ZNF516: variants seen among roughly 807,000 people sequenced by gnomAD.
ZNF516 encodes the protein zinc finger protein 516.
In ZNF516, 19 loss-of-function variants were observed where a neutral mutation model predicts 79.7. The observed-to-expected ratio is 0.24, with a 90% CI of 0.17 to 0.35. The LOEUF (loss-of-function observed/expected upper bound fraction) is 0.35. Ranked by LOEUF, ZNF516 falls within the 10% of genes least tolerant of loss-of-function variation. ZNF516 has a pLI of 1.00. For synonymous variants in ZNF516, 877 were observed against 739.5 expected, an observed-to-expected ratio of 1.19 and a Z score of -3.02; for missense variants, 1,678 against 1,679.5, an observed-to-expected ratio of 1.00 and a Z score of 0.02.
rs180752175 is a variant in ZNF516 at position 76,477,792 on chromosome 18, T to C, written c.-271-14651A>G. Among the ~76,000 whole-genome samples the C allele has an allele frequency of 1.4e-4, 21 of 152,158 alleles. No homozygotes were observed. In the South Asian group the frequency reaches 1.7e-3, roughly 12 times the overall value. On this transcript the variant is annotated intron_variant, in intron 1 of 6. Transcript: ENST00000443185. ...AAAAAAACCTGCTGAAACGAAGGAA[T>C]GCAAACTCATTACACTGCATTTAAT...
intron 2 of ZNF516, among the ~76,000 whole-genome samples, chr18:76,458,977 T>C (rs1225984740): frequency 6.6e-6 from 1 of 152,218 alleles, no homozygotes; most frequent in Admixed American, 6.5e-5. Flanking sequence ...TGTGTGAGCA[T>C]GTGCTAGTGT....
intron 1 of ZNF516, chr18:76,490,296 C>T (rs1044475203): frequency 4.6e-6 from 3 of 657,136 alleles, no homozygotes; most frequent in Non-Finnish European, 5.7e-6. Flanking sequence ...TAAGGGGGGG[C>T]GAGGGGTTCT....
chr18:76,407,810 G>C (rs2075322447), intron 3 of ZNF516, among the ~76,000 whole-genome samples: 1 of 152,204 alleles, frequency 6.6e-6, no homozygotes, highest in Non-Finnish European at 1.5e-5. Flanking sequence ...TGGGCTCAGA[G>C]CCCCGCCCAA....
intron 3 of ZNF516, among the ~76,000 whole-genome samples, chr18:76,402,252 A>T (rs1181017924): frequency 6.6e-6 from 1 of 152,150 alleles, no homozygotes; most frequent in Non-Finnish European, 1.5e-5. Flanking sequence ...CGAGGCACAC[A>T]CTGGGCTGTC....
In ZNF516 at chr18:76,451,154, G is replaced by GT. The variant is rs1568305386; in HGVS notation, c.-157-7944dup. Among the ~76,000 whole-genome samples the GT allele has an allele frequency of 1.3e-5, 2 of 152,224 alleles. No homozygotes were observed. Among genetic ancestry groups the GT allele is most frequent in the African/African-American group, 4.8e-5 (2 of 41,460 alleles). On this transcript the variant is annotated intron_variant, in intron 2 of 6. Transcript: ENST00000443185. This position sits in a 1 kb window ranked among gnomAD's most constrained non-coding sequence, Gnocchi z 6.0. ...GTCAGGGGAGGGAAGCAAAGCTGAAGTGGGTGCTGCTTTCCAAATGCCTAT... is the reference window on the plus strand; with the variant it reads ...GTCAGGGGAGGGAAGCAAAGCTGAAGTTGGGTGCTGCTTTCCAAATGCCTAT...
chr18:76,453,599 C>T (rs370761837), intron 2 of ZNF516, among the ~76,000 whole-genome samples: 12 of 152,224 alleles, frequency 7.9e-5, no homozygotes, highest in African/African-American at 1.9e-4. Flanking sequence ...AGAAGGCCTT[C>T]GATGAACTGC....
chr18:76,404,655 G>T (rs1435428658), intron 3 of ZNF516, among the ~76,000 whole-genome samples: 2 of 152,344 alleles, frequency 1.3e-5, no homozygotes, highest in South Asian at 4.1e-4. Context: ...ATGTGCATGT[G>T]TACATGGGTG....
At chr18:76,454,619 A>G (rs1486156078) in intron 2 of ZNF516, among the ~76,000 whole-genome samples, 1 of 152,258 alleles carries the variant, frequency 6.6e-6, no homozygotes, top group Non-Finnish European at 1.5e-5. Context: ...GAATGTTTAC[A>G]AAGAGCAATT....
intron 1 of ZNF516, among the ~76,000 whole-genome samples, chr18:76,474,273 A>G (rs995496307): frequency 5.9e-5 from 9 of 152,220 alleles, no homozygotes; most frequent in Non-Finnish European, 1.3e-4. Context: ...ATCACACTCC[A>G]CAATTTGCTA....
chr18:76,492,816 G>T, intron 1 of ZNF516: 1 of 986,176 alleles, frequency 1.0e-6, no homozygotes, highest in African/African-American at 1.7e-5. Context: ...GTTCGGAGGG[G>T]GAGGCGCTCC....
intron 6 of ZNF516, among the ~76,000 whole-genome samples, chr18:76,369,185 T>G (rs2074663614): frequency 6.6e-6 from 1 of 152,232 alleles, no homozygotes; most frequent in Non-Finnish European, 1.5e-5. Context: ...AAAAGGACAA[T>G]GCTTCCTAAC....
intron 2 of ZNF516, among the ~76,000 whole-genome samples, chr18:76,445,896 T>C (rs1262910547): frequency 6.6e-6 from 1 of 152,258 alleles, no homozygotes; most frequent in Non-Finnish European, 1.5e-5. Context: ...TCTAGGGCTA[T>C]CAGCTCCTGC....
chr18:76,423,598 T>TCCC (rs1568278832), intron 3 of ZNF516, among the ~76,000 whole-genome samples: 17 of 38,670 alleles, frequency 4.4e-4, no homozygotes, highest in Admixed American at 1.7e-3. Context: ...GTAAAAAGGC[T>TCCC]TCACCCCTGA....
At chr18:76,396,333 C>T (rs2075146201) in intron 3 of ZNF516, among the ~76,000 whole-genome samples, 2 of 152,104 alleles carry the variant, frequency 1.3e-5, no homozygotes, top group Admixed American at 1.3e-4. Context: ...GGATTTCAAC[C>T]ATATATGGCG....
At chr18:76,492,413 A>G in intron 1 of ZNF516, 16 of 970,304 alleles carry the variant, frequency 1.6e-5, no homozygotes, top group Non-Finnish European at 2.0e-5. Flanking sequence ...AGACGCAGCC[A>G]GGGCGCAGCG....
At position 76,463,008 on chromosome 18, in the gene ZNF516, G is replaced by A. The variant is rs1913220329; in HGVS notation, c.-158+20C>T. ...CAGAAGTCAGACGGATTGACAGGAA[G>A]GTGATCCAACTGCACCTACCTGGGC... On this transcript the variant is annotated intron_variant, in intron 2 of 6. Transcript: ENST00000443185. 6.6e-6 allele frequency: 1 copy of A among 152,198 alleles called. No individual in the cohort carries two copies. Among genetic ancestry groups the A allele is most frequent in the Non-Finnish European group, 1.5e-5 (1 of 68,040 alleles). 9.4% of individuals were successfully genotyped at this position (152,198 alleles called of 1,614,324 possible). A position where few individuals can be genotyped will look rare whatever the true frequency, so the allele number is the denominator to read the frequency against.
At chr18:76,486,784 G>A (rs1273545946) in intron 1 of ZNF516, among the ~76,000 whole-genome samples, 2 of 151,850 alleles carry the variant, frequency 1.3e-5, no homozygotes, top group African/African-American at 2.4e-5. Context: ...GAACTGTCTG[G>A]ATTTCACAAT....
At chr18:76,474,837 T>A (rs934560013) in intron 1 of ZNF516, among the ~76,000 whole-genome samples, 2 of 152,182 alleles carry the variant, frequency 1.3e-5, no homozygotes, top group African/African-American at 4.8e-5. Context: ...TAAAAAATCA[T>A]ACAATGTTTT....
At chr18:76,478,406 T>C (rs950393852) in intron 1 of ZNF516, among the ~76,000 whole-genome samples, 8 of 152,122 alleles carry the variant, frequency 5.3e-5, no homozygotes, top group African/African-American at 1.4e-4. Context: ...TATTGAGAGG[T>C]TGGCAAAACT....
Sources: gnomAD v4.1 joint callset for allele counts (sites outside exome capture counted in the v4.1 genomes callset) on GRCh38, gnomAD v4.1.1 for gene constraint, Gnocchi (gnomAD v3.1) non-coding constraint, MANE v1.5 for transcripts, NCBI Gene and HGNC (gene_info 2026-07-23, HGNC 2026-07-21) for gene names.